Variants in PITPNM2 observed in about 807,000 individuals in gnomAD.
PITPNM2 encodes phosphatidylinositol transfer protein membrane associated 2, also known as membrane-associated phosphatidylinositol transfer protein 2.
Under a neutral mutation model 132.2 loss-of-function variants are expected in PITPNM2, and 35 were observed. The ratio of observed to expected loss-of-function variants is 0.26; its 90% confidence interval spans 0.20 to 0.35. The LOEUF is 0.35. Among genes scored for constraint, PITPNM2 ranks in the 10% least tolerant of loss-of-function variants. The probability of loss-of-function intolerance (pLI) is 1.00; values close to 1 mark genes in which losing one functional copy is unlikely to be tolerated. For missense variants in PITPNM2, 1,332 were observed against 1,912.0 expected (o/e 0.70, Z 5.66); for synonymous variants, 738 against 799.2 (o/e 0.92, Z 1.29).
At chr12:123,073,724 TC>T (rs1364433932) in intron 2 of PITPNM2, among the ~76,000 whole-genome samples, 1 of 152,174 alleles carries the variant, frequency 6.6e-6, no homozygotes, top group African/African-American at 2.4e-5. Flanking sequence ...TGGATCAGGA[TC>T]AGAGTGACCC....
rs778006988 is a variant in PITPNM2, at chr12:122,986,145, G to A, written c.3932C>T (p.Thr1311Ile). ...CTGCTCGCCATCCGCCTGGCTCTGT[G>A]TCCGCTCGTGCCGGTGGCTGGGCCC... Reference protein sequence around the residue: ...PSGPSHRHERTQSQADGEQRG... With the variant: ...PSGPSHRHERIQSQADGEQRG... Residue 1311 changes from threonine to isoleucine, a missense_variant, in exon 26 of 26, where the codon ACA (threonine) becomes ATA (isoleucine). By Grantham distance (89) the Thr-to-Ile change is moderately conservative (BLOSUM62 -1). Coordinates refer to ENST00000320201, the MANE Select transcript of PITPNM2 (RefSeq NM_020845.3). 6 of 1,527,944 alleles carry A rather than the reference G, an allele frequency of 3.9e-6. No homozygotes were observed. The highest frequency in any genetic ancestry group is 5.0e-5 in the East Asian group (2 of 39,868). 94.6% of individuals were successfully genotyped at this position (1,527,944 alleles called of 1,614,324 possible).
chr12:123,003,566 C>T (rs1454110662), intron 8 of PITPNM2, among the ~76,000 whole-genome samples: 1 of 152,218 alleles, frequency 6.6e-6, no homozygotes, highest in Non-Finnish European at 1.5e-5. Context: ...ACACTGACTC[C>T]CCAGGTTCCT....
chr12:122,999,971 A>G (rs2136151688), intron 10 of PITPNM2, among the ~76,000 whole-genome samples: 1 of 152,320 alleles, frequency 6.6e-6, no homozygotes, highest in South Asian at 2.1e-4. Context: ...TTAAGCAGCA[A>G]TTGGAAATCA....
In PITPNM2 at chr12:123,078,811, C is replaced by T. The variant is rs981425079; in HGVS notation, c.-96+31574G>A. 3.3e-5 allele frequency among the ~76,000 whole-genome samples: 5 copies of T among 152,210 alleles called. No homozygotes were observed. Among genetic ancestry groups the T allele is most frequent in the African/African-American group, 1.2e-4 (5 of 41,460 alleles). ...GTGGCATCTCCCATCACGCCTGTGC[C>T]AGCCTCACTGCTGCAGCTGCCCACG... On this transcript the variant is annotated intron_variant, in intron 2 of 25. Transcript: ENST00000320201. The surrounding 1 kb of genome is among the most constrained non-coding windows in gnomAD (Gnocchi z 7.3).
At chr12:123,125,863 G>GCTTTTT (rs1566303194) in intron 1 of PITPNM2, among the ~76,000 whole-genome samples, 2 of 79,674 alleles carry the variant, frequency 2.5e-5, no homozygotes, top group African/African-American at 8.3e-5. Context: ...AAAAAATTAG[G>GCTTTTT]GTTTTTTTTT....
At chr12:123,018,293 C>CTTTTTTTTTTTTT (rs3085478) in intron 3 of PITPNM2, among the ~76,000 whole-genome samples, 35 of 126,314 alleles carry the variant, frequency 2.8e-4, no homozygotes, top group African/African-American at 8.7e-4. Context: ...TTTTTCTTTT[C>CTTTTTTTTTTTTT]TTTTTTTTTT....
intron 2 of PITPNM2, chr12:123,089,088 A>G (rs2042191484): frequency 6.6e-6 from 1 of 152,206 alleles, no homozygotes; most frequent in Admixed American, 6.5e-5. Flanking sequence ...CAGGTATACA[A>G]AAAATGATAG....
intron 6 of PITPNM2, among the ~76,000 whole-genome samples, chr12:123,007,236 C>T (rs7313800): frequency 0.091 from 13,861 of 152,168 alleles, 2,120 homozygotes; most frequent in African/African-American, 0.31. Flanking sequence ...TGGATGCACG[C>T]GTGGGGGCTT....
chr12:123,018,748 TTTTTC>T (rs889708329), intron 3 of PITPNM2, among the ~76,000 whole-genome samples: 20 of 151,578 alleles, frequency 1.3e-4, no homozygotes, highest in South Asian at 4.1e-4. Flanking sequence ...TTCCTTTTTC[TTTTTC>T]TTTTCTTTTC....
At position 123,010,067 on chromosome 12, in the gene PITPNM2, G is replaced by A. The variant is rs773230580; in HGVS notation, c.426C>T (p.Asp142=). 3.1e-6 allele frequency: 5 copies of A among 1,613,520 alleles called. No individual in the cohort carries two copies. The highest frequency in any genetic ancestry group is 3.4e-6 in the Non-Finnish European group (4 of 1,179,520). ...EKNQLTIDFI[D]IVKDPVPHNE... Reference sequence around the variant, plus strand: ...TGTGGGGCACAGGGTCTTTGACAATGTCGATGAAGTCTGTGGGTAAACCCT... The same window carrying A: ...TGTGGGGCACAGGGTCTTTGACAATATCGATGAAGTCTGTGGGTAAACCCT... Residue 142 remains aspartate, a synonymous_variant, in exon 6 of 26, where the codon GAC becomes GAT. Coordinates refer to ENST00000320201, the MANE Select transcript of PITPNM2 (RefSeq NM_020845.3).
rs748287500 is a variant in PITPNM2, at chr12:123,009,704, A to G, written c.643+146T>C. 2.6e-5 allele frequency: 19 copies of G among 737,948 alleles called. No individual in the cohort carries two copies. The highest frequency in any genetic ancestry group is 4.3e-5 in the Non-Finnish European group (19 of 439,508). 45.7% of individuals were successfully genotyped at this position (737,948 alleles called of 1,614,324 possible). A position where few individuals can be genotyped will look rare whatever the true frequency, so the allele number is the denominator to read the frequency against. On this transcript the variant is annotated intron_variant, in intron 6 of 25. Transcript: ENST00000320201. This position sits in a 1 kb window ranked among gnomAD's most constrained non-coding sequence, Gnocchi z 4.8. ...CTGGCGGGTAGTGGGGAAGCTGGACATGGGCTTTGGTGTCACCTTCCCAGA... is the reference window on the plus strand; with the variant it reads ...CTGGCGGGTAGTGGGGAAGCTGGACGTGGGCTTTGGTGTCACCTTCCCAGA...
At position 123,138,716 on chromosome 12, in the gene PITPNM2, G is replaced by A. The variant is rs1015779652; in HGVS notation, c.-200+12037C>T. On this transcript the variant is annotated intron_variant, in intron 1 of 25. Coordinates refer to ENST00000320201, the MANE Select transcript of PITPNM2 (RefSeq NM_020845.3). The stretch of plus-strand genomic sequence containing the variant: ...GGGGAGTGACTGCCAATGGGTGTAG[G>A]GTCTCCTTCTGGAGTGATGAAAGTG... Among the ~76,000 whole-genome samples the A allele has an allele frequency of 2.6e-5, 4 of 152,236 alleles. No individual in the cohort carries two copies. In the South Asian group the frequency reaches 8.3e-4, roughly 32 times the overall value.
chr12:123,026,066 T>C (rs910003660), intron 3 of PITPNM2, among the ~76,000 whole-genome samples: 2 of 152,204 alleles, frequency 1.3e-5, no homozygotes, highest in African/African-American at 2.4e-5. Context: ...CAGCATAAGA[T>C]AGGTGCTCCG....
At chr12:123,034,929 C>T (rs565035043) in intron 2 of PITPNM2, among the ~76,000 whole-genome samples, 5 of 152,318 alleles carry the variant, frequency 3.3e-5, no homozygotes, top group Admixed American at 1.3e-4. Context: ...CAAACAGCCA[C>T]GGGGAAGTAA....
chr12:123,067,856 G>A (rs1025099071), intron 2 of PITPNM2, among the ~76,000 whole-genome samples: 26 of 152,146 alleles, frequency 1.7e-4, no homozygotes, highest in Non-Finnish European at 3.4e-4. Flanking sequence ...CTCCTGCTCC[G>A]GGCACCCTGC....
intron 5 of PITPNM2, 81 bp from the exon 6 acceptor site, chr12:123,010,158 A>T (rs1448610687): frequency 8.2e-7 from 1 of 1,215,270 alleles, no homozygotes; most frequent in Non-Finnish European, 1.2e-6. Flanking sequence ...TCCACCCCCA[A>T]ATCCTCCCAG....
chr12:123,099,169 C>T lies in PITPNM2; in HGVS notation c.-96+11216G>A, dbSNP rs2042487578. Among the ~76,000 whole-genome samples the T allele has an allele frequency of 6.6e-6, 1 of 152,084 alleles. No individual in the cohort carries two copies. Among genetic ancestry groups the T allele is most frequent in the Non-Finnish European group, 1.5e-5 (1 of 68,000 alleles). The stretch of plus-strand genomic sequence containing the variant: ...TCTCTGATTCAGTGGGCACAGCAAG[C>T]ACCTGCCAGATAAGGGAGGCAACTG... On this transcript the variant is annotated intron_variant, in intron 2 of 25. Transcript: ENST00000320201. The surrounding 1 kb of genome is among the most constrained non-coding windows in gnomAD (Gnocchi z 4.2).
intron 1 of PITPNM2, among the ~76,000 whole-genome samples, chr12:123,124,872 T>G (rs2043106405): frequency 6.6e-6 from 1 of 152,246 alleles, no homozygotes; most frequent in South Asian, 2.1e-4. Flanking sequence ...AGTTTGTAAG[T>G]TCCATAAGGA....
At chr12:123,030,032 G>T (rs1204845146) in intron 3 of PITPNM2, among the ~76,000 whole-genome samples, 1 of 96,296 alleles carries the variant, frequency 1.0e-5, no homozygotes, top group Non-Finnish European at 2.6e-5. Flanking sequence ...GCCCAGGTGT[G>T]GGACTGACAG....
Sources: gnomAD v4.1 joint callset for allele counts (sites outside exome capture counted in the v4.1 genomes callset) on GRCh38, gnomAD v4.1.1 for gene constraint, Gnocchi (gnomAD v3.1) non-coding constraint, MANE v1.5 for transcripts, NCBI Gene and HGNC (gene_info 2026-07-23, HGNC 2026-07-21) for gene names.